The following PDXDC1 variants were observed in gnomAD, a reference collection of about 807,000 sequenced individuals.
PDXDC1 encodes the protein pyridoxal-dependent decarboxylase domain-containing protein 1.
PDXDC1 carries 42 observed loss-of-function variants against 100.1 expected under a neutral mutation model. That is an observed-to-expected ratio of 0.42 (90% CI 0.33 to 0.54). The LOEUF is 0.54. PDXDC1 is among the 20% of genes least tolerant of loss of function. The pLI is 0.10. For missense variants in PDXDC1, 636 were observed against 979.2 expected (o/e 0.65, Z 4.68); for synonymous variants, 260 against 371.7 (o/e 0.70, Z 3.46).
intron 16 of PDXDC1, among the ~76,000 whole-genome samples, chr16:15,075,401 G>C (rs567275804): frequency 6.6e-6 from 1 of 151,932 alleles, no homozygotes; most frequent in South Asian, 2.1e-4. Flanking sequence ...AGTGAGACCT[G>C]TCTCTACAAA....
At chr16:14,992,489 G>A (rs1419530533) in intron 1 of PDXDC1, among the ~76,000 whole-genome samples, 1 of 152,278 alleles carries the variant, frequency 6.6e-6, no homozygotes, top group Admixed American at 6.5e-5. Context: ...ACTCAGGGGT[G>A]AAGATAAATT....
Position 15,135,489 on chromosome 16 carries a change from G to A in PDXDC1, c.1400-3390G>A, listed in dbSNP as rs949308622. 19 of 1,186,700 alleles carry A rather than the reference G, an allele frequency of 1.6e-5. No individual in the cohort carries two copies. In the African/African-American group the frequency reaches 2.7e-4, roughly 17 times the overall value. 73.5% of individuals were successfully genotyped at this position (1,186,700 alleles called of 1,614,324 possible). On this transcript the variant is annotated intron_variant, in intron 16 of 16. Transcript: ENST00000535621. The stretch of plus-strand genomic sequence containing the variant: ...GAACCCCATCCAGTTTTAAAGCAGA[G>A]CCCGGCCCAGGAGACAGCGCGGGAG...
chr16:14,986,678 A>G (rs1197746890), intron 1 of PDXDC1, among the ~76,000 whole-genome samples: 1 of 152,294 alleles, frequency 6.6e-6, no homozygotes, highest in African/African-American at 2.4e-5. Context: ...ATTCTCAGCA[A>G]TTAGTATCTA....
chr16:15,000,412 G>A (rs1972889303), intron 3 of PDXDC1, among the ~76,000 whole-genome samples: 1 of 152,292 alleles, frequency 6.6e-6, no homozygotes, highest in East Asian at 1.9e-4. Flanking sequence ...TGCCTCAAGG[G>A]CCCCTGCCTG....
chr16:15,013,348 C>CAAAA (rs1310266362), intron 8 of PDXDC1, among the ~76,000 whole-genome samples: 138 of 111,446 alleles, frequency 1.2e-3, no homozygotes, highest in South Asian at 2.4e-3. Flanking sequence ...GACCCTATCT[C>CAAAA]AAAAAAAAAA....
chr16:15,128,112 G>A (rs761791819), intron 16 of PDXDC1: 10 of 1,609,298 alleles, frequency 6.2e-6, no homozygotes, highest in Non-Finnish European at 8.5e-6. Flanking sequence ...ATGACGTGCT[G>A]CAGGAACCAG....
chr16:15,035,453 T>C lies in PDXDC1; in HGVS notation c.2007T>C (p.Ser669=). ...CAGCCCTCTCCTCTCCCGCAGGCTC[T>C]CTGGAGTCCACAGAACCCATATATG... is the stretch of plus-strand genomic sequence containing the variant. ...KGRTFNLTAG[S]LESTEPIYVY... The change falls in exon 22 of 23, where the codon TCT becomes TCC. Residue 669 remains serine, a synonymous_variant. Coordinates refer to ENST00000396410, the MANE Select transcript of PDXDC1 (RefSeq NM_015027.4). The C allele has an allele frequency of 6.2e-7, 1 of 1,603,412 alleles. No individual in the cohort carries two copies. The highest frequency in any genetic ancestry group is 8.5e-7 in the Non-Finnish European group (1 of 1,174,320).
chr16:14,978,917 G>A (rs977530859), intron 1 of PDXDC1, among the ~76,000 whole-genome samples: 2 of 152,300 alleles, frequency 1.3e-5, no homozygotes, highest in African/African-American at 4.8e-5. Context: ...GTGCATGGCA[G>A]CATGCTTAGC....
chr16:15,000,389 C>G (rs529820063), intron 3 of PDXDC1, among the ~76,000 whole-genome samples: 1 of 152,410 alleles, frequency 6.6e-6, no homozygotes, highest in South Asian at 2.1e-4. Flanking sequence ...GGTCATGTGG[C>G]AGGCAGCCAG....
At chr16:15,032,599 A>C (rs1348478341) in intron 17 of PDXDC1, 1 of 322,494 alleles carries the variant, frequency 3.1e-6, no homozygotes, top group African/African-American at 2.2e-5. Flanking sequence ...GGTTGCAGTG[A>C]GCCAAGATCA....
chr16:15,078,865 G>T (rs551602022), intron 16 of PDXDC1, among the ~76,000 whole-genome samples: 1 of 149,922 alleles, frequency 6.7e-6, no homozygotes, highest in Non-Finnish European at 1.5e-5. Context: ...AGGCTGGAGC[G>T]GAGTGGCGCA....
In PDXDC1 at chr16:14,975,104, G is replaced by T. The variant is rs1407032583; in HGVS notation, c.-96G>T. ...TCTCCGCCCCGCCGGCCGCGGGCGC[G>T]GGGGACGTCAGCGCTGCCAGCGTGG... On this transcript the variant is annotated 5_prime_UTR_variant, in exon 1 of 23. Coordinates refer to ENST00000396410, the MANE Select transcript of PDXDC1 (RefSeq NM_015027.4). 2 of 1,468,056 alleles carry T rather than the reference G, an allele frequency of 1.4e-6. No homozygotes were observed. The highest frequency in any genetic ancestry group is 8.9e-7 in the Non-Finnish European group (1 of 1,120,490). The allele number at this position is 1,468,056 out of a possible 1,614,324, so 90.9% of individuals were successfully genotyped here.
chr16:15,104,232 C>T, intron 16 of PDXDC1: 1 of 1,200,086 alleles, frequency 8.3e-7, no homozygotes, highest in Non-Finnish European at 1.1e-6. Flanking sequence ...ATTAAAAAAA[C>T]CCCTACGATT....
At chr16:15,046,361 C>G (rs2044062399) in intron 16 of PDXDC1, among the ~76,000 whole-genome samples, 1 of 152,182 alleles carries the variant, frequency 6.6e-6, no homozygotes, top group Non-Finnish European at 1.5e-5. Flanking sequence ...CAACACCTGC[C>G]AGGTCTCCAC....
At chr16:15,039,858 G>C (rs1195014537), downstream of PDXDC1, 2 of 686,248 alleles carry the variant, frequency 2.9e-6, no homozygotes, top group African/African-American at 1.8e-5. Context: ...ATAATGTACG[G>C]CTATAAAGAA....
the PDXDC1 span, among the ~76,000 whole-genome samples, chr16:15,144,372 G>C: frequency 6.6e-6 from 1 of 152,214 alleles, no homozygotes; most frequent in African/African-American, 2.4e-5. Flanking sequence ...CTGCAGTTTG[G>C]GACGGTGCTC....
chr16:15,101,295 C>G (rs1332698035), intron 16 of PDXDC1, among the ~76,000 whole-genome samples: 1 of 152,146 alleles, frequency 6.6e-6, no homozygotes, highest in South Asian at 2.1e-4. Context: ...GGGAGATAGA[C>G]AGATAGGCAC....
the PDXDC1 span, among the ~76,000 whole-genome samples, chr16:15,149,854 G>A: frequency 6.6e-6 from 1 of 152,096 alleles, no homozygotes; most frequent in Non-Finnish European, 1.5e-5. Context: ...CTGCCAGCCA[G>A]GACAACCTCT....
At chr16:15,128,376 G>A (rs1263113398) in intron 16 of PDXDC1, 4 of 1,590,058 alleles carry the variant, frequency 2.5e-6, no homozygotes, top group East Asian at 2.2e-5. Context: ...TGATGCCCAC[G>A]TGGGCCGTGG....
Sources: allele counts gnomAD v4.1 joint callset (sites outside exome capture counted in the v4.1 genomes callset), GRCh38; gene constraint gnomAD v4.1.1; transcripts MANE v1.5; gene names NCBI Gene and HGNC (gene_info 2026-07-23, HGNC 2026-07-21).